Variants in MEGF11 observed in about 807,000 individuals in gnomAD.
The protein encoded by MEGF11 is multiple epidermal growth factor-like domains protein 11.
Under a neutral mutation model 146.6 loss-of-function variants are expected in MEGF11, and 126 were observed. That is an observed-to-expected ratio of 0.86 (90% confidence interval 0.74 to 1.00). The LOEUF is 1.00. Ranked by LOEUF, MEGF11 falls within the 50% of genes least tolerant of loss-of-function variation. The pLI, the probability that MEGF11 is intolerant of heterozygous loss-of-function variation, is 0.00. For synonymous variants in MEGF11, 532 were observed against 583.4 expected, an observed-to-expected ratio of 0.91 and a Z score of 1.27; for missense variants, 1,509 against 1,521.2, an observed-to-expected ratio of 0.99 and a Z score of 0.13.
At chr15:65,996,174 A>G (rs2082191191) in intron 5 of MEGF11, among the ~76,000 whole-genome samples, 1 of 152,190 alleles carries the variant, frequency 6.6e-6, no homozygotes, top group Non-Finnish European at 1.5e-5. Flanking sequence ...AAATAAAGAC[A>G]CTAGCACTGG....
At chr15:65,932,756 C>T (rs531630067) in intron 10 of MEGF11, among the ~76,000 whole-genome samples, 5 of 152,096 alleles carry the variant, frequency 3.3e-5, no homozygotes, top group East Asian at 1.9e-4. Context: ...CTGTCTATGC[C>T]GGAGCAAGTG....
intron 5 of MEGF11, among the ~76,000 whole-genome samples, chr15:66,081,077 T>C (rs1022801080): frequency 2.0e-5 from 3 of 152,190 alleles, no homozygotes; most frequent in African/African-American, 4.8e-5. Flanking sequence ...GCATGAGCTA[T>C]ACCTGGACAG....
chr15:66,253,435 C>G (rs1174695448), intron 1 of MEGF11, among the ~76,000 whole-genome samples, 170 bp downstream of exon 1: 1 of 152,208 alleles, frequency 6.6e-6, no homozygotes, highest in Admixed American at 6.5e-5. Flanking sequence ...CCAAACTCGG[C>G]TTCGGCAGCC....
intron 14 of MEGF11, 89 bp downstream of exon 14, chr15:65,922,734 G>A (rs1420521272): frequency 2.0e-6 from 3 of 1,475,172 alleles, no homozygotes; most frequent in South Asian, 1.3e-5. Context: ...CAAGAGCCCA[G>A]CCTCTCTCAG....
At chr15:66,048,768 G>A (rs779575330) in intron 5 of MEGF11, among the ~76,000 whole-genome samples, 22 of 152,186 alleles carry the variant, frequency 1.4e-4, no homozygotes, top group Non-Finnish European at 2.8e-4. Context: ...TGCCCCACAA[G>A]TGACATTGTT....
intron 1 of MEGF11, among the ~76,000 whole-genome samples, chr15:66,170,517 G>T (rs1272526292): frequency 6.6e-6 from 1 of 152,210 alleles, no homozygotes; most frequent in Admixed American, 6.5e-5. Context: ...TGGCCTATCA[G>T]GGCATGCCAT....
intron 1 of MEGF11, among the ~76,000 whole-genome samples, chr15:66,208,612 C>T (rs2091360095): frequency 6.6e-6 from 1 of 151,990 alleles, no homozygotes; most frequent in African/African-American, 2.4e-5. Context: ...CTGGGAGTGG[C>T]AGCTCATGCC....
chr15:66,188,851 T>G (rs900625373), intron 1 of MEGF11, among the ~76,000 whole-genome samples: 4 of 152,162 alleles, frequency 2.6e-5, no homozygotes, highest in Non-Finnish European at 5.9e-5. Flanking sequence ...CATGTGCAAT[T>G]TTTTTTCTTT....
intron 1 of MEGF11, among the ~76,000 whole-genome samples, chr15:66,252,476 G>C (rs2092388319): frequency 6.6e-6 from 1 of 152,120 alleles, no homozygotes; most frequent in African/African-American, 2.4e-5. Flanking sequence ...ATGACCACTC[G>C]GGAGACAGTC....
intron 5 of MEGF11, among the ~76,000 whole-genome samples, chr15:66,015,599 G>A (rs553230235): frequency 6.6e-5 from 10 of 152,218 alleles, no homozygotes; most frequent in Middle Eastern, 3.4e-3. Context: ...AAGGGGGTAA[G>A]GAGTCTACTC....
chr15:66,033,179 G>A lies in MEGF11; in HGVS notation c.395-50691C>T, dbSNP rs547602670. On this transcript the variant is annotated intron_variant, in intron 5 of 25. Transcript: ENST00000395614. ...AGGGAAAAGGTAGGTTTTGGAAATG[G>A]CACCTAGGTGTGGCCAAGAGATTGT... Among the ~76,000 whole-genome samples the A allele has an allele frequency of 2.6e-5, 4 of 152,054 alleles. No homozygotes were observed. In the South Asian group the frequency reaches 8.3e-4, roughly 32 times the overall value.
intron 2 of MEGF11, among the ~76,000 whole-genome samples, chr15:66,125,883 C>T (rs2088311227): frequency 6.6e-6 from 1 of 152,136 alleles, no homozygotes; most frequent in African/African-American, 2.4e-5. Flanking sequence ...GAGAGAAGCC[C>T]AGCAGAGGGC....
chr15:65,966,882 G>C (rs1254448272), intron 8 of MEGF11, among the ~76,000 whole-genome samples: 2 of 151,920 alleles, frequency 1.3e-5, no homozygotes, highest in Non-Finnish European at 2.9e-5. Context: ...CTCTTTCCCA[G>C]AGGATGCAGA....
chr15:66,129,489 T>G (rs2140966832), intron 1 of MEGF11, among the ~76,000 whole-genome samples: 1 of 152,372 alleles, frequency 6.6e-6, no homozygotes, highest in East Asian at 1.9e-4. Context: ...GAGTAGCTTT[T>G]CTTCTTAATC....
chr15:66,127,056 C>T (rs115125782), intron 2 of MEGF11, among the ~76,000 whole-genome samples: 178 of 152,288 alleles, frequency 1.2e-3, no homozygotes, highest in South Asian at 5.0e-3. Flanking sequence ...TTTTGTGAAA[C>T]GGCTGCCCTT....
chr15:65,965,018 C>T lies in MEGF11; in HGVS notation c.1002G>A (p.Glu334=), dbSNP rs1351558329. ...GTGGGCCCTTGTAGCCAGGCTCACA[C>T]TCGCAGGCACCCGTGGTGGGTGAAC... The part of the protein sequence containing the change: ...GQCSPTTGAC[E]CEPGYKGPRC... The change falls in exon 9 of 26, where the codon GAG becomes GAA. Residue 334 remains glutamate (E), a synonymous_variant. Coordinates refer to ENST00000395614, the MANE Select transcript of MEGF11 (RefSeq NM_001385028.1). 3.2e-6 allele frequency: 5 copies of T among 1,576,552 alleles called. No individual in the cohort carries two copies. Among genetic ancestry groups the T allele is most frequent in the Admixed American group, 3.6e-5 (2 of 55,100 alleles).
chr15:66,021,615 A>T (rs2083135426), intron 5 of MEGF11, among the ~76,000 whole-genome samples: 2 of 152,218 alleles, frequency 1.3e-5, no homozygotes, highest in African/African-American at 4.8e-5. Flanking sequence ...GGAGACGGAA[A>T]TTCAGCAGCC....
At chr15:65,945,853 C>T (rs2080173556) in intron 10 of MEGF11, among the ~76,000 whole-genome samples, 1 of 152,330 alleles carries the variant, frequency 6.6e-6, no homozygotes, top group Non-Finnish European at 1.5e-5. Context: ...TCTGGGTTTA[C>T]CCGCAGCTCA....
intron 21 of MEGF11, among the ~76,000 whole-genome samples, chr15:65,911,233 C>T (rs2078794080): frequency 6.6e-6 from 1 of 152,220 alleles, no homozygotes; most frequent in Non-Finnish European, 1.5e-5. Context: ...TTGGGTTCCA[C>T]ATCCCTTGTT....
Sources: gnomAD v4.1 joint callset for allele counts (sites outside exome capture counted in the v4.1 genomes callset) on GRCh38, gnomAD v4.1.1 for gene constraint, MANE v1.5 for transcripts, NCBI Gene and HGNC (gene_info 2026-07-23, HGNC 2026-07-21) for gene names.